ATG7: variants seen among roughly 807,000 people sequenced by gnomAD.
ATG7 encodes autophagy related 7.
A neutral mutation model predicts 82.4 loss-of-function variants in ATG7; 70 were observed. That is an observed-to-expected ratio of 0.85 (90% CI 0.70 to 1.04). The LOEUF (loss-of-function observed/expected upper bound fraction) is 1.04, where lower values mean the gene tolerates loss of function less well. Among genes scored for constraint, ATG7 ranks in the 50% least tolerant of loss-of-function variants. The pLI, the probability that ATG7 is intolerant of heterozygous loss-of-function variation, is 0.00. For synonymous variants in ATG7, 287 were observed against 313.0 expected, an observed-to-expected ratio of 0.92 and a Z score of 0.88; for missense variants, 792 against 864.3, an observed-to-expected ratio of 0.92 and a Z score of 1.05.
chr3:11,356,181 A>G (rs2075920174), intron 14 of ATG7, among the ~76,000 whole-genome samples: 1 of 152,198 alleles, frequency 6.6e-6, no homozygotes, highest in Admixed American at 6.5e-5. Flanking sequence ...GCACAAGACC[A>G]TGTTCTGGCG....
intron 1 of ATG7, among the ~76,000 whole-genome samples, chr3:11,276,398 A>G (rs969649145): frequency 1.3e-5 from 2 of 152,082 alleles, no homozygotes; most frequent in East Asian, 1.9e-4. Flanking sequence ...TGTTTCATCA[A>G]CCCTTCTCAT....
At chr3:11,398,263 G>A (rs1390909614) in intron 19 of ATG7, among the ~76,000 whole-genome samples, 2 of 152,062 alleles carry the variant, frequency 1.3e-5, no homozygotes, top group Non-Finnish European at 2.9e-5. Context: ...AATTTGAAAA[G>A]AAATACATAT....
At chr3:11,368,247 A>G (rs1000603382) in intron 18 of ATG7, among the ~76,000 whole-genome samples, 1 of 150,978 alleles carries the variant, frequency 6.6e-6, no homozygotes, top group Non-Finnish European at 1.5e-5. Flanking sequence ...AAAAAAAAAA[A>G]AAAAAGAAGA....
At chr3:11,318,107 A>G (rs1463003549) in intron 9 of ATG7, among the ~76,000 whole-genome samples, 6 of 152,218 alleles carry the variant, frequency 3.9e-5, no homozygotes, top group African/African-American at 1.2e-4. Flanking sequence ...TTGAAAGACA[A>G]CAAATCTCTG....
intron 20 of ATG7, among the ~76,000 whole-genome samples, chr3:11,547,282 T>C (rs1162331632): frequency 1.3e-5 from 2 of 152,164 alleles, no homozygotes; most frequent in African/African-American, 4.8e-5. Context: ...CTTTGTAAAA[T>C]GGGGGCAAAC....
At chr3:11,336,325 G>C (rs1215195863) in intron 11 of ATG7, among the ~76,000 whole-genome samples, 5 of 151,938 alleles carry the variant, frequency 3.3e-5, no homozygotes, top group Non-Finnish European at 5.9e-5. Context: ...TGAGTCACAC[G>C]TCCAGCCGAT....
intron 19 of ATG7, among the ~76,000 whole-genome samples, chr3:11,393,831 C>A (rs566327883): frequency 6.6e-6 from 1 of 152,274 alleles, no homozygotes; most frequent in Non-Finnish European, 1.5e-5. Flanking sequence ...CTGGTGCATG[C>A]CACCACACCA....
At chr3:11,552,905 G>A (rs2125067442) in intron 20 of ATG7, among the ~76,000 whole-genome samples, 1 of 152,244 alleles carries the variant, frequency 6.6e-6, no homozygotes, top group East Asian at 1.9e-4. Context: ...TGATAAAATG[G>A]GTAACACCTC....
chr3:11,567,273 G>A, the ATG7 span, among the ~76,000 whole-genome samples: 61 of 152,166 alleles, frequency 4.0e-4, no homozygotes, highest in Non-Finnish European at 3.5e-4. Context: ...CAATCAGAGC[G>A]GCGCAGTGCA....
chr3:11,291,858 G>A (rs1261162808), intron 3 of ATG7, among the ~76,000 whole-genome samples: 1 of 152,160 alleles, frequency 6.6e-6, no homozygotes, highest in African/African-American at 2.4e-5. Flanking sequence ...GGTTTCCTAG[G>A]AACATCAGCC....
intron 20 of ATG7, among the ~76,000 whole-genome samples, chr3:11,490,744 T>G (rs976083947): frequency 4.6e-5 from 7 of 152,158 alleles, no homozygotes; most frequent in African/African-American, 1.7e-4. Flanking sequence ...TTAGTTTGCC[T>G]GGATATGAAA....
At chr3:11,573,348 AAAG>A in the ATG7 span, among the ~76,000 whole-genome samples, 2 of 97,298 alleles carry the variant, frequency 2.1e-5, no homozygotes, top group East Asian at 3.4e-4. Context: ...AGAAAGAAAG[AAAG>A]AAAGAAAGAA....
chr3:11,391,439 A>G (rs967360807), intron 19 of ATG7, among the ~76,000 whole-genome samples: 7 of 152,298 alleles, frequency 4.6e-5, no homozygotes, highest in South Asian at 2.1e-4. Flanking sequence ...ACGACTTTAG[A>G]TGAGCTGGCA....
intron 20 of ATG7, among the ~76,000 whole-genome samples, chr3:11,471,068 G>A (rs1169015677): frequency 2.0e-5 from 3 of 152,030 alleles, no homozygotes; most frequent in Non-Finnish European, 2.9e-5. Flanking sequence ...AGGCCCTAGC[G>A]AGCCCAGCCC....
At chr3:11,479,056 G>A (rs991613930) in intron 20 of ATG7, among the ~76,000 whole-genome samples, 1 of 135,608 alleles carries the variant, frequency 7.4e-6, no homozygotes, top group African/African-American at 2.6e-5. Context: ...TTACTTTGTG[G>A]ATACTGGCCA....
chr3:11,288,210 G>A (rs1944403961), intron 3 of ATG7, among the ~76,000 whole-genome samples: 1 of 152,182 alleles, frequency 6.6e-6, no homozygotes, highest in African/African-American at 2.4e-5. Context: ...TCTGCTAATG[G>A]AGAACTCATT....
At chr3:11,274,547 A>G (rs1199823639) in intron 1 of ATG7, among the ~76,000 whole-genome samples, 2 of 152,096 alleles carry the variant, frequency 1.3e-5, no homozygotes, top group Non-Finnish European at 2.9e-5. Context: ...GGTTCACTGG[A>G]GTGCCAGTGT....
chr3:11,420,953 C>T (rs2081890724), intron 19 of ATG7, among the ~76,000 whole-genome samples: 1 of 151,994 alleles, frequency 6.6e-6, no homozygotes, highest in Non-Finnish European at 1.5e-5. Context: ...GATGGGGTTT[C>T]ACCGTGTTAG....
intron 19 of ATG7, among the ~76,000 whole-genome samples, chr3:11,390,338 T>C (rs1390977729): frequency 1.3e-5 from 2 of 152,238 alleles, no homozygotes; most frequent in East Asian, 1.9e-4. Flanking sequence ...CAAAAACATG[T>C]GTCTCCCAGC....
Sources: allele counts gnomAD v4.1 joint callset (sites outside exome capture counted in the v4.1 genomes callset), GRCh38; gene constraint gnomAD v4.1.1; transcripts MANE v1.5; gene names NCBI Gene and HGNC (gene_info 2026-07-23, HGNC 2026-07-21).